The following KANSL1 variants were observed in gnomAD, a reference collection of about 807,000 sequenced individuals.
KANSL1 encodes KAT8 regulatory NSL complex subunit 1.
In KANSL1, 22 loss-of-function variants were observed where a neutral mutation model predicts 103.6. The observed-to-expected ratio is 0.21, with a 90% confidence interval of 0.15 to 0.30. The LOEUF is 0.30. Among genes scored for constraint, KANSL1 ranks in the 10% least tolerant of loss-of-function variants. KANSL1 has a pLI of 1.00. For missense variants in KANSL1, 1,337 were observed against 1,399.8 expected (o/e 0.96, Z 0.72); for synonymous variants, 600 against 527.6 (o/e 1.14, Z -1.88).
intron 7 of KANSL1, among the ~76,000 whole-genome samples, chr17:46,047,927 GA>G (rs2077575536): frequency 1.4e-5 from 2 of 145,944 alleles, no homozygotes; most frequent in South Asian, 2.2e-4. Context: ...CCGCCACCAA[GA>G]CAGGGTCTCA....
Position 46,109,435 on chromosome 17 carries a change from T to C in KANSL1, c.1290-14734A>G, listed in dbSNP as rs565900003. On this transcript the variant is annotated intron_variant, in intron 2 of 14. Coordinates refer to ENST00000432791, the MANE Select transcript of KANSL1 (RefSeq NM_015443.4). ...ATACGTGTAAGATAGTTAAGTTTTA[T>C]TGGCAGATTTCGATTCTGCCACATC... 4.6e-5 allele frequency among the ~76,000 whole-genome samples: 7 copies of C among 152,376 alleles called. No individual in the cohort carries two copies. In the South Asian group the frequency reaches 1.4e-3, roughly 32 times the overall value.
At chr17:46,055,070 C>T (rs1020109312) in intron 6 of KANSL1, among the ~76,000 whole-genome samples, 2 of 151,844 alleles carry the variant, frequency 1.3e-5, no homozygotes, top group African/African-American at 4.8e-5. Flanking sequence ...AGGATGGTCT[C>T]GATCTCCTGA....
intron 2 of KANSL1, among the ~76,000 whole-genome samples, chr17:46,112,019 A>C (rs1437075013): frequency 1.3e-5 from 2 of 152,208 alleles, no homozygotes; most frequent in Non-Finnish European, 2.9e-5. Flanking sequence ...GTATTTCCCA[A>C]AGGAGAATGG....
intron 2 of KANSL1, among the ~76,000 whole-genome samples, chr17:46,132,401 AAAT>A (rs2043908506): frequency 6.6e-6 from 1 of 152,262 alleles, no homozygotes; most frequent in African/African-American, 2.4e-5. Flanking sequence ...AGAAACAGTA[AAAT>A]CCTAGTGTTG....
intron 1 of KANSL1, among the ~76,000 whole-genome samples, chr17:46,206,446 C>T (rs1354711165): frequency 2.6e-5 from 4 of 152,200 alleles, no homozygotes; most frequent in Non-Finnish European, 4.4e-5. Context: ...TCTTTTTAAG[C>T]CAAGTGCTGT....
rs1453757691 is a variant in KANSL1, at chr17:46,168,067, GGGGA to G, written c.1289+2784_1289+2787del. 9.8e-5 allele frequency among the ~76,000 whole-genome samples: 15 copies of G among 152,340 alleles called. No individual in the cohort carries two copies. The South Asian group carries it at 3.1e-3, about 32-fold the overall frequency. ...TACAGACCAGCTACTGGAAGGGTGG[GGGGA>G]GCCAAAATTCACCAGCTGGGTCAAG... On this transcript the variant is annotated intron_variant, in intron 2 of 14. Coordinates refer to ENST00000432791, the MANE Select transcript of KANSL1 (RefSeq NM_015443.4).
chr17:46,052,448 T>C (rs1331765140), intron 6 of KANSL1, among the ~76,000 whole-genome samples: 5 of 150,110 alleles, frequency 3.3e-5, no homozygotes, highest in Non-Finnish European at 7.4e-5. Flanking sequence ...CTACTGAAAA[T>C]AGAAACGTCA....
At chr17:46,180,966 G>C (rs369711891) in intron 1 of KANSL1, among the ~76,000 whole-genome samples, 10 of 152,308 alleles carry the variant, frequency 6.6e-5, no homozygotes, top group Admixed American at 2.6e-4. Flanking sequence ...GCTTTAGAGA[G>C]ATCAGTTGGG....
intron 2 of KANSL1, among the ~76,000 whole-genome samples, chr17:46,147,621 G>A (rs1225013831): frequency 6.8e-6 from 1 of 146,764 alleles, no homozygotes; most frequent in South Asian, 2.1e-4. Context: ...AAGAGGCAGA[G>A]AGAGAGAGAA....
At position 46,034,360 on chromosome 17, in the gene KANSL1, C is replaced by A. The variant is rs560321818; in HGVS notation, c.2542-75G>T. The A allele has an allele frequency of 2.0e-6, 3 of 1,534,526 alleles. No homozygotes were observed. The Admixed American group carries it at 5.3e-5, about 27-fold the overall frequency. On this transcript the variant is annotated intron_variant, in intron 10 of 14. Coordinates refer to ENST00000432791, the MANE Select transcript of KANSL1 (RefSeq NM_015443.4). ...CAAATCATTCATCTAAGAGTTAAAG[C>A]AGGATCACCAATAACCAAGCATCTG...
intron 1 of KANSL1, among the ~76,000 whole-genome samples, chr17:46,189,868 C>T (rs1276706758): frequency 6.8e-6 from 1 of 146,142 alleles, no homozygotes; most frequent in East Asian, 2.0e-4. Context: ...GATAGCACCA[C>T]TGCACTCCAG....
chr17:46,081,981 A>C (rs1474230522), intron 4 of KANSL1, among the ~76,000 whole-genome samples: 1 of 152,254 alleles, frequency 6.6e-6, no homozygotes, highest in Non-Finnish European at 1.5e-5. Context: ...ATACAGAAGG[A>C]AACAGAAAAT....
intron 2 of KANSL1, among the ~76,000 whole-genome samples, chr17:46,164,015 T>C (rs1471449700): frequency 6.6e-6 from 1 of 152,264 alleles, no homozygotes; most frequent in African/African-American, 2.4e-5. Context: ...CATCACTAAG[T>C]GCCAGGCACT....
intron 1 of KANSL1, among the ~76,000 whole-genome samples, chr17:46,186,029 G>A (rs1017029610): frequency 2.0e-4 from 31 of 151,990 alleles, no homozygotes; most frequent in African/African-American, 7.0e-4. Context: ...CTAATGGTTG[G>A]TGTAAGTGCT....
intron 2 of KANSL1, among the ~76,000 whole-genome samples, chr17:46,154,872 A>G (rs2045330033): frequency 6.6e-6 from 1 of 152,018 alleles, no homozygotes; most frequent in Non-Finnish European, 1.5e-5. Flanking sequence ...TTTAATGGAG[A>G]TGGGGTCTTG....
intron 2 of KANSL1, among the ~76,000 whole-genome samples, chr17:46,151,314 A>G (rs1245494367): frequency 6.6e-6 from 1 of 152,204 alleles, no homozygotes; most frequent in Non-Finnish European, 1.5e-5. Context: ...GCTCAGTCCC[A>G]TCTTAGGGCC....
At chr17:46,057,766 T>C (rs1420952517) in intron 6 of KANSL1, among the ~76,000 whole-genome samples, 4 of 152,248 alleles carry the variant, frequency 2.6e-5, no homozygotes, top group Non-Finnish European at 4.4e-5. Flanking sequence ...TGGTAGAACC[T>C]AGGGAGTAGC....
intron 3 of KANSL1, among the ~76,000 whole-genome samples, chr17:46,088,904 T>A (rs8077951): frequency 0.029 from 4,358 of 152,268 alleles, 221 homozygotes; most frequent in African/African-American, 0.1. Flanking sequence ...AACTGCTTAG[T>A]CCCTATTCTT....
chr17:46,125,206 C>T (rs891336468), intron 2 of KANSL1, among the ~76,000 whole-genome samples: 2 of 152,128 alleles, frequency 1.3e-5, no homozygotes, highest in Non-Finnish European at 2.9e-5. Context: ...TAGGACCTTC[C>T]ACCAGCAAAA....
Sources: allele counts gnomAD v4.1 joint callset (sites outside exome capture counted in the v4.1 genomes callset), GRCh38; gene constraint gnomAD v4.1.1; transcripts MANE v1.5; gene names NCBI Gene and HGNC (gene_info 2026-07-23, HGNC 2026-07-21).